Variants in LYPLAL1 observed in about 807,000 individuals in gnomAD.
The protein encoded by LYPLAL1 is lysophospholipase-like protein 1.
Under a neutral mutation model 19.7 loss-of-function variants are expected in LYPLAL1, and 23 were observed. The observed-to-expected ratio is 1.17, with a 90% CI of 0.84 to 1.65. LYPLAL1 has a LOEUF of 1.65. Among genes scored for constraint, LYPLAL1 ranks in the 40% most tolerant of loss-of-function variants. The pLI, the probability that LYPLAL1 is intolerant of heterozygous loss-of-function variation, is 0.00. For missense variants in LYPLAL1, 355 were observed against 279.4 expected, an observed-to-expected ratio of 1.27 and a Z score of -1.93; for synonymous variants, 119 against 96.3, an observed-to-expected ratio of 1.24 and a Z score of -1.38.
chr1:219,312,279 A>T, the LYPLAL1 span, among the ~76,000 whole-genome samples: 2 of 152,298 alleles, frequency 1.3e-5, no homozygotes, highest in African/African-American at 2.4e-5. Flanking sequence ...GTGAGAGGAC[A>T]GCTTGGATAA....
chr1:219,273,756 GTTTA>G, the LYPLAL1 span, among the ~76,000 whole-genome samples: 3 of 152,064 alleles, frequency 2.0e-5, no homozygotes, highest in East Asian at 1.9e-4. Context: ...CTTTGTATGT[GTTTA>G]TTTATTTTTT....
the LYPLAL1 span, among the ~76,000 whole-genome samples, chr1:219,312,440 T>G: frequency 6.6e-5 from 10 of 151,996 alleles, no homozygotes; most frequent in African/African-American, 1.7e-4. Flanking sequence ...ATTTTTGGAG[T>G]TGAGGAGGTC....
At chr1:219,230,139 G>A in the LYPLAL1 span, among the ~76,000 whole-genome samples, 6 of 152,074 alleles carry the variant, frequency 3.9e-5, no homozygotes, top group Non-Finnish European at 5.9e-5. Context: ...TTGAAACAGA[G>A]TCTCACTCTG....
the LYPLAL1 span, among the ~76,000 whole-genome samples, chr1:219,254,004 G>A: frequency 6.6e-6 from 1 of 152,010 alleles, no homozygotes; most frequent in African/African-American, 2.4e-5. Flanking sequence ...GACTCTTCTT[G>A]CTGAATTGAA....
the LYPLAL1 span, among the ~76,000 whole-genome samples, chr1:219,423,714 G>C: frequency 1.3e-5 from 2 of 152,046 alleles, no homozygotes; most frequent in African/African-American, 4.8e-5. Context: ...AACCCTGAAA[G>C]GATATCAAAG....
the LYPLAL1 span, among the ~76,000 whole-genome samples, chr1:219,368,860 A>G: frequency 6.6e-6 from 1 of 152,232 alleles, no homozygotes; most frequent in African/African-American, 2.4e-5. Context: ...GAGTTTGGGT[A>G]GCAGTAACTA....
chr1:219,434,068 T>C, the LYPLAL1 span, among the ~76,000 whole-genome samples: 4 of 152,192 alleles, frequency 2.6e-5, no homozygotes, highest in African/African-American at 7.2e-5. Context: ...AAAAAGTCAC[T>C]GTAAAATACC....
the LYPLAL1 span, among the ~76,000 whole-genome samples, chr1:219,306,493 G>T: frequency 6.6e-6 from 1 of 152,142 alleles, no homozygotes; most frequent in African/African-American, 2.4e-5. Context: ...AGAACATAAA[G>T]TCTAGTAAGA....
At chr1:219,390,782 GT>G in the LYPLAL1 span, among the ~76,000 whole-genome samples, 41 of 152,070 alleles carry the variant, frequency 2.7e-4, no homozygotes, top group African/African-American at 9.4e-4. Context: ...TAATAAATTT[GT>G]TACCTTTTTA....
chr1:219,256,274 C>T, the LYPLAL1 span, among the ~76,000 whole-genome samples: 5 of 151,682 alleles, frequency 3.3e-5, no homozygotes, highest in African/African-American at 4.8e-5. Flanking sequence ...TGAATTAGTG[C>T]CAGGAATGTG....
chr1:219,371,719 A>G, the LYPLAL1 span, among the ~76,000 whole-genome samples: 1 of 151,998 alleles, frequency 6.6e-6, no homozygotes, highest in Non-Finnish European at 1.5e-5. Context: ...GCTGTAACCA[A>G]TCCAATTGTT....
chr1:219,429,984 G>T, the LYPLAL1 span, among the ~76,000 whole-genome samples: 1 of 152,084 alleles, frequency 6.6e-6, no homozygotes, highest in Non-Finnish European at 1.5e-5. Flanking sequence ...GAGTAAATGT[G>T]ATTATCTTTA....
chr1:219,182,905 A>G (rs1656414510), intron 2 of LYPLAL1, among the ~76,000 whole-genome samples: 1 of 152,106 alleles, frequency 6.6e-6, no homozygotes, highest in African/African-American at 2.4e-5. Context: ...GTTACATGGA[A>G]GTGATGCTTA....
chr1:219,293,640 C>A, the LYPLAL1 span, among the ~76,000 whole-genome samples: 1 of 152,208 alleles, frequency 6.6e-6, no homozygotes, highest in Admixed American at 6.5e-5. Context: ...GATTACAAAA[C>A]ACGAAACAGC....
chr1:219,183,794 T>C (rs1240226326), intron 2 of LYPLAL1, among the ~76,000 whole-genome samples: 1 of 151,942 alleles, frequency 6.6e-6, no homozygotes, highest in Admixed American at 6.6e-5. Flanking sequence ...GTAGGTATTA[T>C]ATAAATATAA....
intron 2 of LYPLAL1, among the ~76,000 whole-genome samples, chr1:219,185,100 A>G (rs1276165223): frequency 2.0e-5 from 3 of 151,784 alleles, no homozygotes; most frequent in Non-Finnish European, 2.9e-5. Context: ...GGATATTCAG[A>G]TTTTATATTT....
At chr1:219,279,944 A>G in the LYPLAL1 span, among the ~76,000 whole-genome samples, 1 of 152,236 alleles carries the variant, frequency 6.6e-6, no homozygotes, top group Non-Finnish European at 1.5e-5. Context: ...ATGGGGTAGA[A>G]GAAATTACAA....
the LYPLAL1 span, among the ~76,000 whole-genome samples, chr1:219,219,013 A>G: frequency 6.6e-6 from 1 of 152,078 alleles, no homozygotes; most frequent in Non-Finnish European, 1.5e-5. Context: ...TAGTCCCAGC[A>G]TTGTAGGATG....
At chr1:219,238,122 C>CTTTTTTTTT in the LYPLAL1 span, among the ~76,000 whole-genome samples, 1 of 103,894 alleles carries the variant, frequency 9.6e-6, no homozygotes, top group Non-Finnish European at 1.8e-5. Flanking sequence ...TGGATCTAAA[C>CTTTTTTTTT]TTTTTTTTTT....
Sources: allele counts gnomAD v4.1 joint callset (sites outside exome capture counted in the v4.1 genomes callset), GRCh38; gene constraint gnomAD v4.1.1; transcripts MANE v1.5; gene names NCBI Gene and HGNC (gene_info 2026-07-23, HGNC 2026-07-21).